The following RIMKLB variants were observed in gnomAD, a reference collection of about 807,000 sequenced individuals.
RIMKLB encodes ribosomal modification protein rimK like family member B.
Under a neutral mutation model 32.0 loss-of-function variants are expected in RIMKLB, and 7 were observed. That is an observed-to-expected ratio of 0.22 (90% confidence interval 0.12 to 0.41). The LOEUF is 0.41. Ranked by LOEUF, RIMKLB falls within the 10% of genes least tolerant of loss-of-function variation. RIMKLB has a pLI of 1.00. For synonymous variants in RIMKLB, 172 were observed against 185.1 expected, an observed-to-expected ratio of 0.93 and a Z score of 0.57; for missense variants, 289 against 498.7, an observed-to-expected ratio of 0.58 and a Z score of 4.00.
Position 8,774,931 on chromosome 12 carries a change from C to T in RIMKLB, c.*1147C>T. 5.1e-6 allele frequency: 5 copies of T among 985,694 alleles called. No homozygotes were observed. The highest frequency in any genetic ancestry group is 6.0e-6 in the Non-Finnish European group (5 of 829,896). 61.1% of individuals were successfully genotyped at this position (985,694 alleles called of 1,614,324 possible). ...GTGTTTTGCTTTTTGTTTCCATCAA[C>T]TAATCAAAAAGGATAATTTAGAAAA... On this transcript the variant is annotated 3_prime_UTR_variant, in exon 6 of 6. Coordinates refer to ENST00000535829, the MANE Select transcript of RIMKLB (RefSeq NM_001297776.2).
chr12:8,687,014 C>T (rs1299871121), intron 1 of RIMKLB, among the ~76,000 whole-genome samples: 15 of 152,058 alleles, frequency 9.9e-5, no homozygotes, highest in Admixed American at 9.8e-4. Context: ...ACGTACTTGG[C>T]GACCACCTTC....
chr12:8,705,763 TCAGA>T (rs1222308963), intron 1 of RIMKLB, among the ~76,000 whole-genome samples: 1 of 152,214 alleles, frequency 6.6e-6, no homozygotes, highest in Non-Finnish European at 1.5e-5. Context: ...GTCTGTAAAC[TCAGA>T]CAGGACTTGA....
chr12:8,777,335 G>T, downstream of RIMKLB: 1 of 990,106 alleles, frequency 1.0e-6, no homozygotes, highest in South Asian at 4.4e-5. Context: ...ACAGAAATCT[G>T]CTGTTGGAAT....
intron 2 of RIMKLB, among the ~76,000 whole-genome samples, chr12:8,739,451 G>C (rs759498538): frequency 6.6e-6 from 1 of 152,138 alleles, no homozygotes; most frequent in Non-Finnish European, 1.5e-5. Context: ...CCAAAGTGCT[G>C]GGATTACAGG....
At chr12:8,710,639 C>T (rs1411746235) in intron 1 of RIMKLB, among the ~76,000 whole-genome samples, 3 of 152,184 alleles carry the variant, frequency 2.0e-5, no homozygotes, top group Non-Finnish European at 4.4e-5. Flanking sequence ...CTTTGTGGCT[C>T]TTCAGAGGGG....
chr12:8,733,241 A>G (rs1946709325), intron 2 of RIMKLB, among the ~76,000 whole-genome samples: 1 of 152,106 alleles, frequency 6.6e-6, no homozygotes, highest in Non-Finnish European at 1.5e-5. Flanking sequence ...TCTGTTCAGA[A>G]ATATCAGTTC....
intron 5 of RIMKLB, among the ~76,000 whole-genome samples, chr12:8,760,884 T>A (rs1201174003): frequency 3.9e-5 from 6 of 152,220 alleles, no homozygotes; most frequent in African/African-American, 1.4e-4. Context: ...TCTCCCATTC[T>A]GTAGGTTGCC....
rs138078440 is a variant in RIMKLB at position 8,718,629 on chromosome 12, G to A, written c.175+4588G>A. Among the ~76,000 whole-genome samples, 830 of 150,636 alleles carry A rather than the reference G, an allele frequency of 5.5e-3. 9 individuals carry two copies. The highest frequency in any genetic ancestry group is 0.019 in the African/African-American group (771 of 40,298). On this transcript the variant is annotated intron_variant, in intron 2 of 5. Coordinates refer to ENST00000535829, the MANE Select transcript of RIMKLB (RefSeq NM_001297776.2). Reference sequence around the variant, plus strand: ...TTACACTCTAGTCTGACAACAAAGCGAGACTCCGTCTCTCTCTCTCTCTCT... The same window carrying A: ...TTACACTCTAGTCTGACAACAAAGCAAGACTCCGTCTCTCTCTCTCTCTCT...
At chr12:8,777,307 G>A, downstream of RIMKLB, 1 of 960,772 alleles carries the variant, frequency 1.0e-6, no homozygotes, top group Non-Finnish European at 1.2e-6. Context: ...CTTGGATTTT[G>A]GAATGTTTCA....
chr12:8,709,096 G>T (rs1023924777), intron 1 of RIMKLB, among the ~76,000 whole-genome samples: 4 of 152,092 alleles, frequency 2.6e-5, no homozygotes, highest in African/African-American at 7.2e-5. Context: ...TTTATGTTTC[G>T]CTACTGGAGA....
At chr12:8,768,597 G>C (rs118139929) in intron 5 of RIMKLB, among the ~76,000 whole-genome samples, 3 of 152,036 alleles carry the variant, frequency 2.0e-5, no homozygotes, top group Non-Finnish European at 2.9e-5. Flanking sequence ...CTTTTCCTAG[G>C]GCATTCTATA....
intron 5 of RIMKLB, among the ~76,000 whole-genome samples, chr12:8,766,529 T>A: frequency 6.6e-6 from 1 of 152,292 alleles, no homozygotes; most frequent in Non-Finnish European, 1.5e-5. Context: ...ATAGAGTCTT[T>A]TTGATTCTGT....
At chr12:8,744,749 C>T (rs780236164) in intron 2 of RIMKLB, among the ~76,000 whole-genome samples, 21 of 151,830 alleles carry the variant, frequency 1.4e-4, no homozygotes, top group African/African-American at 3.9e-4. Flanking sequence ...CAACCTCTGC[C>T]TCCTAGGTTC....
intron 1 of RIMKLB, among the ~76,000 whole-genome samples, chr12:8,704,999 C>CACACACACACACACACACACAAA (rs35908223): frequency 1.3e-5 from 2 of 151,540 alleles, no homozygotes; most frequent in African/African-American, 4.9e-5. Flanking sequence ...CACACACACA[C>CACACACACACACACACACACAAA]AAAACCCCAA....
intron 2 of RIMKLB, among the ~76,000 whole-genome samples, chr12:8,717,068 TTC>T (rs1944934250): frequency 6.7e-6 from 1 of 149,948 alleles, no homozygotes; most frequent in East Asian, 1.9e-4. Flanking sequence ...TTTTTTTTTT[TTC>T]TTTTTTTTTT....
At chr12:8,737,098 C>T (rs1428176340) in intron 2 of RIMKLB, among the ~76,000 whole-genome samples, 1 of 152,188 alleles carries the variant, frequency 6.6e-6, no homozygotes, top group Non-Finnish European at 1.5e-5. Context: ...CAGACGTGAG[C>T]CATCGTGCCC....
intron 2 of RIMKLB, among the ~76,000 whole-genome samples, chr12:8,744,501 T>C (rs1315335907): frequency 6.6e-6 from 1 of 151,942 alleles, no homozygotes; most frequent in Non-Finnish European, 1.5e-5. Context: ...GAATTTTTTC[T>C]TGACAATTTA....
upstream of RIMKLB, among the ~76,000 whole-genome samples, chr12:8,681,382 G>A (rs972571309): frequency 1.3e-5 from 2 of 152,264 alleles, no homozygotes; most frequent in Non-Finnish European, 2.9e-5. Context: ...TGGTCTTTGG[G>A]CCTGGTTCCT....
Position 8,776,298 on chromosome 12 carries a change from GTT to G in RIMKLB, c.*2515_*2516del. 1 of 974,068 alleles carries G rather than the reference GTT, an allele frequency of 1.0e-6. No homozygotes were observed. Among genetic ancestry groups the G allele is most frequent in the Non-Finnish European group, 1.2e-6 (1 of 820,632 alleles). 60.3% of individuals were successfully genotyped at this position (974,068 alleles called of 1,614,324 possible). ...ACATGTTAGAATGAAAAGAGCAGTA[GTT>G]ATCTTAGATTTTAAAAACATGGATA... On this transcript the variant is annotated 3_prime_UTR_variant, in exon 6 of 6. Transcript: ENST00000535829.
Sources: gnomAD v4.1 joint callset for allele counts (sites outside exome capture counted in the v4.1 genomes callset) on GRCh38, gnomAD v4.1.1 for gene constraint, MANE v1.5 for transcripts, NCBI Gene and HGNC (gene_info 2026-07-23, HGNC 2026-07-21) for gene names.